Variants in RIOK3 observed in about 807,000 individuals in gnomAD.
RIOK3 encodes the protein serine/threonine-protein kinase RIO3.
RIOK3 carries 40 observed loss-of-function variants against 63.5 expected under a neutral mutation model. That is an observed-to-expected ratio of 0.63 (90% confidence interval 0.49 to 0.82). The LOEUF is 0.82. RIOK3 is among the 40% of genes least tolerant of loss of function. The pLI is 0.00. For missense variants in RIOK3, 557 were observed against 637.0 expected, an observed-to-expected ratio of 0.87 and a Z score of 1.35; for synonymous variants, 193 against 205.0, an observed-to-expected ratio of 0.94 and a Z score of 0.50.
intron 1 of RIOK3, among the ~76,000 whole-genome samples, chr18:23,459,675 T>G (rs112255045): frequency 4.6e-5 from 7 of 152,218 alleles, no homozygotes; most frequent in African/African-American, 1.4e-4. Flanking sequence ...GTATGCCATC[T>G]TTTTTGTTTG....
intron 1 of RIOK3, among the ~76,000 whole-genome samples, chr18:23,460,082 G>T (rs1407010572): frequency 6.6e-6 from 1 of 152,068 alleles, no homozygotes; most frequent in Non-Finnish European, 1.5e-5. Context: ...AGGGCAAGTT[G>T]TAAAGGGCAT....
intron 11 of RIOK3, among the ~76,000 whole-genome samples, chr18:23,478,733 A>AT (rs1341544843): frequency 6.9e-6 from 1 of 145,594 alleles, no homozygotes; most frequent in Non-Finnish European, 1.5e-5. Context: ...TTGGCAGTAG[A>AT]TTCAGATAGC....
intron 1 of RIOK3, among the ~76,000 whole-genome samples, chr18:23,458,152 G>A (rs2057352686): frequency 6.6e-6 from 1 of 151,288 alleles, no homozygotes; most frequent in African/African-American, 2.4e-5. Context: ...CAATCCGCCT[G>A]CCTCAGCCTC....
intron 6 of RIOK3, among the ~76,000 whole-genome samples, chr18:23,467,014 T>TAA (rs199686879): frequency 2.1e-5 from 3 of 140,788 alleles, no homozygotes; most frequent in East Asian, 2.0e-4. Context: ...TCTCTGTCTC[T>TAA]AAAAAAAAAA....
Position 23,464,566 on chromosome 18 carries a change from G to C in RIOK3, c.481G>C (p.Asp161His). Residue 161 changes from aspartate to histidine, a missense_variant, in exon 5 of 13, where the codon GAT (aspartate) becomes CAT (histidine). Physicochemically the swap from Asp to His is moderately conservative, Grantham distance 81. Around this residue, in one of 3 missense-constraint regions of RIOK3, gnomAD observed 243 missense variants for 275.4 expected, o/e 0.88. Coordinates refer to ENST00000339486, the MANE Select transcript of RIOK3 (RefSeq NM_003831.5). Reference protein sequence around the residue: ...PKKGFIGKGKDITTKHDEVVC... With the variant: ...PKKGFIGKGKHITTKHDEVVC... ...AAAGGGCTTTATTGGAAAAGGAAAAGATATCACCACCAAACATGATGAAGT... is the reference window on the plus strand; with the variant it reads ...AAAGGGCTTTATTGGAAAAGGAAAACATATCACCACCAAACATGATGAAGT... 6.2e-7 allele frequency: 1 copy of C among 1,608,632 alleles called. No individual in the cohort carries two copies. Among genetic ancestry groups the C allele is most frequent in the Non-Finnish European group, 8.5e-7 (1 of 1,178,738 alleles).
intron 7 of RIOK3, among the ~76,000 whole-genome samples, chr18:23,472,801 A>G (rs2057464760): frequency 6.6e-6 from 1 of 152,094 alleles, no homozygotes; most frequent in South Asian, 2.1e-4. Context: ...AGTCTTAACT[A>G]TAGTGTTTGT....
rs755266601 is a variant in RIOK3, at chr18:23,466,105, T to C, written c.544-28T>C. On this transcript the variant is annotated intron_variant, in intron 5 of 12. Transcript: ENST00000339486. The stretch of plus-strand genomic sequence containing the variant: ...TTTTAACTGTCCCTATTTTAAAATA[T>C]TTAGATGCTAATTCTTCCTTTTGGC... 6 of 1,546,566 alleles carry C rather than the reference T, an allele frequency of 3.9e-6. No homozygotes were observed. The East Asian group carries it at 1.4e-4, about 36-fold the overall frequency.
intron 5 of RIOK3, among the ~76,000 whole-genome samples, chr18:23,465,499 A>G (rs1379521931): frequency 6.6e-6 from 1 of 152,230 alleles, no homozygotes; most frequent in Non-Finnish European, 1.5e-5. Flanking sequence ...TATCATTTCT[A>G]GAAATATTCC....
intron 11 of RIOK3, 69 bp downstream of exon 11, chr18:23,477,337 A>G (rs1339910495): frequency 1.7e-6 from 2 of 1,155,908 alleles, no homozygotes; most frequent in Non-Finnish European, 1.3e-6. Flanking sequence ...CTCACTCCTA[A>G]GATAAGTAAG....
Position 23,473,468 on chromosome 18 carries a change from A to G in RIOK3, c.855A>G (p.Thr285=). Residue 285 remains threonine (T), a synonymous_variant, in exon 8 of 13, where the codon ACA becomes ACG. Coordinates refer to ENST00000339486, the MANE Select transcript of RIOK3 (RefSeq NM_003831.5). ...AGGAAGATAGTAAAGTTATACCTACAGAATGTGCCATCAAGGTATTTAAAA... is the reference window on the plus strand; with the variant it reads ...AGGAAGATAGTAAAGTTATACCTACGGAATGTGCCATCAAGGTATTTAAAA... ...DEKEDSKVIP[T]ECAIKVFKTT... 6.2e-7 allele frequency: 1 copy of G among 1,612,380 alleles called. No individual in the cohort carries two copies. Among genetic ancestry groups the G allele is most frequent in the Non-Finnish European group, 8.5e-7 (1 of 1,179,198 alleles).
In RIOK3 at chr18:23,464,292, C is replaced by T. The variant is rs200463683; in HGVS notation, c.412C>T (p.Arg138Cys). ...SEDEVDWQDT[R>C]DDPYRPAKPV... ...AGATGAGGTTGACTGGCAGGATACT[C>T]GTGATGATCCCTACAGACCAGGTAC... The change falls in exon 4 of 13, where the codon CGT (arginine) becomes TGT (cysteine). Residue 138 changes from arginine (R) to cysteine (C), a missense_variant. By Grantham distance (180) the Arg-to-Cys change is radical (BLOSUM62 -3). Transcript: ENST00000339486. 11 of 1,613,648 alleles carry T rather than the reference C, an allele frequency of 6.8e-6. No individual in the cohort carries two copies. Among genetic ancestry groups the T allele is most frequent in the Non-Finnish European group, 8.5e-6 (10 of 1,179,558 alleles).
At position 23,478,845 on chromosome 18, in the gene RIOK3, A is replaced by T. The variant is rs965123793; in HGVS notation, c.1345-472A>T. On this transcript the variant is annotated intron_variant, in intron 11 of 12. Transcript: ENST00000339486. ...GGTTTAGTGAAAGTATTTCCTTTAC[A>T]TATTCAAAGCAATGCCAAGTGGTTT... Among the ~76,000 whole-genome samples the T allele has an allele frequency of 2.0e-5, 3 of 152,134 alleles. 1 individual carries two copies. The highest frequency in any genetic ancestry group is 2.0e-4 in the Admixed American group (3 of 15,270).
At chr18:23,473,762 A>T (rs2057471984) in intron 8 of RIOK3, 136 bp downstream of exon 8, 1 of 642,814 alleles carries the variant, frequency 1.6e-6, no homozygotes, top group South Asian at 2.6e-5. Flanking sequence ...TCATACTTTT[A>T]GGATGAAAAA....
At chr18:23,481,146 A>G in intron 12 of RIOK3, 26 bp from the exon 13 acceptor site, 3 of 1,463,900 alleles carry the variant, frequency 2.0e-6, no homozygotes, top group Non-Finnish European at 2.9e-6. Context: ...ATTTTGACAA[A>G]TGGATTCAAT....
chr18:23,456,793 T>C (rs1451026589), intron 1 of RIOK3, among the ~76,000 whole-genome samples: 1 of 152,244 alleles, frequency 6.6e-6, no homozygotes, highest in African/African-American at 2.4e-5. Flanking sequence ...GATTCTTCTA[T>C]CTTCTTTTTT....
chr18:23,474,914 A>C, intron 8 of RIOK3, 34 bp from the exon 9 acceptor site: 4 of 1,526,898 alleles, frequency 2.6e-6, no homozygotes, highest in Non-Finnish European at 3.6e-6. Context: ...TCTCCTTCTG[A>C]TCTGTATATT....
chr18:23,479,251 C>A, intron 11 of RIOK3, 66 bp from the exon 12 acceptor site: 1 of 978,002 alleles, frequency 1.0e-6, no homozygotes, highest in Non-Finnish European at 1.6e-6. Context: ...GTGCTGCTCC[C>A]TGTTTTTAGT....
Position 23,467,488 on chromosome 18 carries a change from A to G in RIOK3, c.777A>G (p.Thr259=). 1 of 1,613,650 alleles carries G rather than the reference A, an allele frequency of 6.2e-7. No individual in the cohort carries two copies. The highest frequency in any genetic ancestry group is 8.5e-7 in the Non-Finnish European group (1 of 1,179,650). The stretch of plus-strand genomic sequence containing the variant: ...AGACAATCACTGGCTGTATTAGTAC[A>G]GGAAAGGAGTCTGTTGTCTTTCATG... The part of the protein sequence containing the change: ...MLETITGCIS[T]GKESVVFHAY... Residue 259 remains threonine (T), a synonymous_variant, in exon 7 of 13, where the codon ACA becomes ACG. Coordinates refer to ENST00000339486, the MANE Select transcript of RIOK3 (RefSeq NM_003831.5).
intron 1 of RIOK3, chr18:23,456,437 C>G (rs764739292): frequency 1.3e-5 from 2 of 151,986 alleles, no homozygotes; most frequent in East Asian, 3.9e-4. Context: ...TGATATACAA[C>G]CTCCCCGCTG....
Sources: allele counts gnomAD v4.1 joint callset (sites outside exome capture counted in the v4.1 genomes callset), GRCh38; gene constraint gnomAD v4.1.1; regional missense constraint gnomAD v4.1.1; transcripts MANE v1.5; gene names NCBI Gene and HGNC (gene_info 2026-07-23, HGNC 2026-07-21).